GPHN: variants seen among roughly 807,000 people sequenced by gnomAD.
GPHN encodes the protein gephyrin.
In GPHN, 17 loss-of-function variants were observed where a neutral mutation model predicts 95.5. That is an observed-to-expected ratio of 0.18 (90% CI 0.12 to 0.27). The LOEUF (loss-of-function observed/expected upper bound fraction) is 0.27, where lower values mean the gene tolerates loss of function less well. Among genes scored for constraint, GPHN ranks in the 10% least tolerant of loss-of-function variants. GPHN has a pLI of 1.00. For synonymous variants in GPHN, 320 were observed against 322.5 expected (o/e 0.99, Z 0.08); for missense variants, 660 against 978.1 (o/e 0.67, Z 4.34).
At chr14:67,519,613 A>G in the GPHN span, among the ~76,000 whole-genome samples, 1 of 152,190 alleles carries the variant, frequency 6.6e-6, no homozygotes, top group African/African-American at 2.4e-5. Flanking sequence ...TACTACAAGA[A>G]GGGAAAGGCT....
intron 1 of GPHN, among the ~76,000 whole-genome samples, chr14:66,630,433 G>T (rs1037513151): frequency 4.6e-5 from 7 of 152,050 alleles, no homozygotes; most frequent in African/African-American, 1.7e-4. Context: ...AAGAAATAAA[G>T]AATGGCAAGT....
At chr14:67,694,568 T>A in the GPHN span, among the ~76,000 whole-genome samples, 1 of 151,690 alleles carries the variant, frequency 6.6e-6, no homozygotes. Context: ...TATTTTCAGT[T>A]CTGGTTCAAC....
At chr14:66,684,460 T>G (rs1191125888) in intron 2 of GPHN, among the ~76,000 whole-genome samples, 1 of 152,184 alleles carries the variant, frequency 6.6e-6, no homozygotes, top group Non-Finnish European at 1.5e-5. Context: ...CAGAGCTAGA[T>G]GAGGGGCTTA....
chr14:67,690,243 G>T, the GPHN span: 17 of 1,613,892 alleles, frequency 1.1e-5, no homozygotes, highest in African/African-American at 8.0e-5. Context: ...CCTGGGTGAA[G>T]AGGATGTTGG....
chr14:66,981,867 C>G (rs1277218913), intron 9 of GPHN, among the ~76,000 whole-genome samples: 1 of 152,136 alleles, frequency 6.6e-6, no homozygotes, highest in Non-Finnish European at 1.5e-5. Flanking sequence ...GTAATATCAG[C>G]TGTACTTTCA....
At chr14:67,670,157 T>G in the GPHN span, among the ~76,000 whole-genome samples, 1 of 152,198 alleles carries the variant, frequency 6.6e-6, no homozygotes, top group Non-Finnish European at 1.5e-5. Context: ...CACAGTCCCC[T>G]GTACCCAGAT....
intron 2 of GPHN, among the ~76,000 whole-genome samples, chr14:66,701,559 C>T (rs1020996208): frequency 1.3e-5 from 2 of 152,186 alleles, no homozygotes; most frequent in East Asian, 3.9e-4. Context: ...TTGGGAGCCA[C>T]ACAGGGCAGG....
At chr14:66,653,336 G>T (rs2065140621) in intron 1 of GPHN, among the ~76,000 whole-genome samples, 1 of 152,042 alleles carries the variant, frequency 6.6e-6, no homozygotes, top group African/African-American at 2.4e-5. Flanking sequence ...TCTGATTGTT[G>T]TTCCTGGTAT....
the GPHN span, chr14:67,471,052 G>C: frequency 6.6e-6 from 1 of 152,260 alleles, no homozygotes. Flanking sequence ...GCCTTCCTTT[G>C]CTGGAGGTTT....
chr14:66,959,759 A>T (rs2068773140), intron 8 of GPHN, among the ~76,000 whole-genome samples: 1 of 151,856 alleles, frequency 6.6e-6, no homozygotes, highest in South Asian at 2.1e-4. Context: ...TCTTGTGTGC[A>T]TTCATGTCTT....
At chr14:67,506,543 TA>T in the GPHN span, among the ~76,000 whole-genome samples, 4 of 152,050 alleles carry the variant, frequency 2.6e-5, no homozygotes, top group Admixed American at 1.3e-4. Flanking sequence ...ATAATGGGGA[TA>T]GGGGAATAAG....
At chr14:67,353,272 A>G in the GPHN span, among the ~76,000 whole-genome samples, 1 of 152,240 alleles carries the variant, frequency 6.6e-6, no homozygotes, top group African/African-American at 2.4e-5. Context: ...GGGACCATCA[A>G]GAGATGACTG....
chr14:66,691,422 ATT>A (rs2067772702), intron 2 of GPHN, among the ~76,000 whole-genome samples: 1 of 151,994 alleles, frequency 6.6e-6, no homozygotes, highest in Non-Finnish European at 1.5e-5. Flanking sequence ...TGACCCTGTG[ATT>A]CACCTGCCTT....
chr14:67,102,582 C>A (rs895424776), intron 13 of GPHN, among the ~76,000 whole-genome samples: 1 of 152,008 alleles, frequency 6.6e-6, no homozygotes, highest in Non-Finnish European at 1.5e-5. Flanking sequence ...ATCGCTTGAA[C>A]CTGGGAGGCA....
At chr14:66,546,175 C>T (rs1157230508) in intron 1 of GPHN, among the ~76,000 whole-genome samples, 90 of 151,310 alleles carry the variant, frequency 5.9e-4, no homozygotes, top group African/African-American at 1.7e-3. Context: ...GATGGGATGG[C>T]GGCCGGGAAG....
At chr14:67,659,729 A>C in the GPHN span, 1 of 1,590,720 alleles carries the variant, frequency 6.3e-7, no homozygotes, top group Non-Finnish European at 8.5e-7. Context: ...GCTAAAACTT[A>C]CCATATGCTC....
At chr14:66,951,368 T>C (rs978018938) in intron 8 of GPHN, among the ~76,000 whole-genome samples, 1 of 151,832 alleles carries the variant, frequency 6.6e-6, no homozygotes, top group Non-Finnish European at 1.5e-5. Context: ...ATACAAAAAT[T>C]AGCTGGGCAT....
chr14:67,312,721 A>G, the GPHN span: 2 of 1,563,282 alleles, frequency 1.3e-6, no homozygotes, highest in African/African-American at 1.4e-5. Flanking sequence ...GTAAGACACA[A>G]TATGGTAGAA....
chr14:66,605,176 CT>C (rs1378026306), intron 1 of GPHN, among the ~76,000 whole-genome samples: 4 of 152,026 alleles, frequency 2.6e-5, no homozygotes, highest in Middle Eastern at 3.4e-3. Flanking sequence ...GTGCATATGT[CT>C]TTTTTTAGGA....
Sources: gnomAD v4.1 joint callset for allele counts (sites outside exome capture counted in the v4.1 genomes callset) on GRCh38, gnomAD v4.1.1 for gene constraint, MANE v1.5 for transcripts, NCBI Gene and HGNC (gene_info 2026-07-23, HGNC 2026-07-21) for gene names.